The following KCNN3 variants were observed in gnomAD, a reference collection of about 807,000 sequenced individuals.
KCNN3 encodes the protein small conductance calcium-activated potassium channel protein 3.
KCNN3 carries 16 observed loss-of-function variants against 62.9 expected under a neutral mutation model. The ratio of observed to expected loss-of-function variants is 0.25; its 90% CI spans 0.17 to 0.39. The LOEUF (loss-of-function observed/expected upper bound fraction) is 0.39. Among genes scored for constraint, KCNN3 ranks in the 10% least tolerant of loss-of-function variants. The pLI is 1.00. For missense variants in KCNN3, 599 were observed against 949.4 expected, an observed-to-expected ratio of 0.63 and a Z score of 4.85; for synonymous variants, 370 against 389.2, an observed-to-expected ratio of 0.95 and a Z score of 0.58.
chr1:154,756,625 T>A (rs1041909849), intron 3 of KCNN3, among the ~76,000 whole-genome samples: 1 of 152,106 alleles, frequency 6.6e-6, no homozygotes, highest in African/African-American at 2.4e-5. Context: ...CTCTCATCCT[T>A]CAGACCTCAG....
chr1:154,803,978 C>G (rs1462044572), intron 2 of KCNN3, among the ~76,000 whole-genome samples: 2 of 152,234 alleles, frequency 1.3e-5, no homozygotes, highest in African/African-American at 4.8e-5. Context: ...AAGACCCCGT[C>G]TCCCCGTGCA....
chr1:154,868,027 G>C, intron 1 of KCNN3: 1 of 985,388 alleles, frequency 1.0e-6, no homozygotes, highest in Non-Finnish European at 1.2e-6. Flanking sequence ...GGAGCAGTGG[G>C]GCCAGCTCCC....
chr1:154,780,114 G>A (rs986479466), intron 2 of KCNN3, among the ~76,000 whole-genome samples: 2 of 151,886 alleles, frequency 1.3e-5, no homozygotes, highest in Non-Finnish European at 2.9e-5. Context: ...GGCACAGCCC[G>A]AGCTTCAGAC....
intron 3 of KCNN3, among the ~76,000 whole-genome samples, chr1:154,757,652 G>A (rs142340650): frequency 3.3e-5 from 5 of 152,256 alleles, no homozygotes; most frequent in East Asian, 1.9e-4. Flanking sequence ...AAATAATGCC[G>A]AGGAAATGGG....
intron 3 of KCNN3, among the ~76,000 whole-genome samples, chr1:154,748,952 T>G (rs755018639): frequency 1.3e-5 from 2 of 152,182 alleles, no homozygotes; most frequent in Non-Finnish European, 2.9e-5. Flanking sequence ...AGTGTGTGCT[T>G]GGACTTGCCT....
chr1:154,868,350 C>T (rs1264568362), intron 1 of KCNN3: 3 of 987,350 alleles, frequency 3.0e-6, no homozygotes, highest in Non-Finnish European at 3.6e-6. Context: ...CTGATTTCCT[C>T]CACCTATATT....
rs1359271649 is a variant in KCNN3 at position 154,707,196 on chromosome 1, T to C, written c.*780A>G. 6.6e-6 allele frequency: 1 copy of C among 152,210 alleles called. No individual in the cohort carries two copies. The highest frequency in any genetic ancestry group is 1.9e-4 in the East Asian group (1 of 5,194). 9.4% of individuals were successfully genotyped at this position (152,210 alleles called of 1,614,324 possible). A position where few individuals can be genotyped will look rare whatever the true frequency, so the allele number is the denominator to read the frequency against. ...GCCAGAACTAGCTAACTACCTGAACTGAAAGCACCCCATGTTCAGATTCAG... is the reference window on the plus strand; with the variant it reads ...GCCAGAACTAGCTAACTACCTGAACCGAAAGCACCCCATGTTCAGATTCAG... On this transcript the variant is annotated 3_prime_UTR_variant, in exon 8 of 8. Coordinates refer to ENST00000271915, the MANE Select transcript of KCNN3 (RefSeq NM_002249.6).
At chr1:154,730,975 A>T (rs375971323) in intron 4 of KCNN3, among the ~76,000 whole-genome samples, 25 of 152,204 alleles carry the variant, frequency 1.6e-4, no homozygotes, top group East Asian at 1.2e-3. Flanking sequence ...GAGCCAGGAG[A>T]TGCGGAGTCC....
At chr1:154,821,647 C>T (rs553667894) in intron 2 of KCNN3, among the ~76,000 whole-genome samples, 1 of 152,320 alleles carries the variant, frequency 6.6e-6, no homozygotes, top group South Asian at 2.1e-4. Flanking sequence ...AAAGCAGACT[C>T]CTTGGTGGAG....
At chr1:154,796,339 T>C (rs1331602864) in intron 2 of KCNN3, among the ~76,000 whole-genome samples, 1 of 152,164 alleles carries the variant, frequency 6.6e-6, no homozygotes, top group Admixed American at 6.5e-5. Context: ...TCCATAGCTC[T>C]TTGTTATTAG....
At position 154,704,619 on chromosome 1, in the gene KCNN3, A is replaced by G. The variant is rs1194948523; in HGVS notation, c.*3357T>C. 2.6e-5 allele frequency: 4 copies of G among 152,076 alleles called. No homozygotes were observed. The highest frequency in any genetic ancestry group is 4.4e-5 in the Non-Finnish European group (3 of 68,024). The allele number at this position is 152,076 out of a possible 1,614,324, so 9.4% of individuals were successfully genotyped here. On this transcript the variant is annotated 3_prime_UTR_variant, in exon 8 of 8. Transcript: ENST00000271915. ...GTATTTCTAATTCAAGTGTCTAGAT[A>G]TTTTAGGAATATTAGAGTGATTTTA...
chr1:154,804,335 G>A (rs191329653), intron 2 of KCNN3, among the ~76,000 whole-genome samples: 17 of 152,346 alleles, frequency 1.1e-4, no homozygotes, highest in Admixed American at 5.2e-4. Context: ...TCGCAAATGC[G>A]GATGGATGGC....
In KCNN3 at chr1:154,700,379, G is replaced by A. The variant is rs1383033430; in HGVS notation, c.*7597C>T. On this transcript the variant is annotated 3_prime_UTR_variant, in exon 8 of 8. Coordinates refer to ENST00000271915, the MANE Select transcript of KCNN3 (RefSeq NM_002249.6). ...CCATGGACTTGAATTACTGTCAAGAGGTCTGCTTTCCCCAAATGATGAATT... is the reference window on the plus strand; with the variant it reads ...CCATGGACTTGAATTACTGTCAAGAAGTCTGCTTTCCCCAAATGATGAATT... 1 of 152,164 alleles carries A rather than the reference G, an allele frequency of 6.6e-6. No individual in the cohort carries two copies. The highest frequency in any genetic ancestry group is 2.4e-5 in the African/African-American group (1 of 41,436). 9.4% of individuals were successfully genotyped at this position (152,164 alleles called of 1,614,324 possible). A position where few individuals can be genotyped will look rare whatever the true frequency, so the allele number is the denominator to read the frequency against.
chr1:154,767,170 T>G (rs1428888780), intron 3 of KCNN3, among the ~76,000 whole-genome samples: 1 of 151,780 alleles, frequency 6.6e-6, no homozygotes, highest in Non-Finnish European at 1.5e-5. Context: ...ACAATGGGAG[T>G]GGTGGCTCTC....
intron 1 of KCNN3, among the ~76,000 whole-genome samples, chr1:154,846,420 A>T (rs2101917650): frequency 6.6e-6 from 1 of 152,338 alleles, no homozygotes; most frequent in South Asian, 2.1e-4. Flanking sequence ...GAGGACGATT[A>T]GGCAGCAGCA....
chr1:154,783,056 C>T (rs1006031789), intron 2 of KCNN3, among the ~76,000 whole-genome samples: 5 of 151,862 alleles, frequency 3.3e-5, no homozygotes, highest in African/African-American at 1.2e-4. Context: ...ACTAAAAATA[C>T]AAAAAAACTA....
Position 154,700,427 on chromosome 1 carries a change from G to A in KCNN3, c.*7549C>T, listed in dbSNP as rs1039717449. 4 of 152,206 alleles carry A rather than the reference G, an allele frequency of 2.6e-5. No individual in the cohort carries two copies. Among genetic ancestry groups the A allele is most frequent in the Non-Finnish European group, 5.9e-5 (4 of 68,040 alleles). 9.4% of individuals were successfully genotyped at this position (152,206 alleles called of 1,614,324 possible). A position where few individuals can be genotyped will look rare whatever the true frequency, so the allele number is the denominator to read the frequency against. On this transcript the variant is annotated 3_prime_UTR_variant, in exon 8 of 8. Coordinates refer to ENST00000271915, the MANE Select transcript of KCNN3 (RefSeq NM_002249.6). The stretch of plus-strand genomic sequence containing the variant: ...ATTTGCATTTGTTTCCTTGATTCTA[G>A]ATGGAATACAACTTTGAGGGGAAAG...
rs576772613 is a variant in KCNN3, at chr1:154,850,418, C to G, written c.933+18614G>C. ...TACAGGTCCCAAGACTCTCACCCTC[C>G]AAGCCCGGGTGCCAGCATCAGACAC... On this transcript the variant is annotated intron_variant, in intron 1 of 7. Transcript: ENST00000271915. Among the ~76,000 whole-genome samples, 6 of 152,344 alleles carry G rather than the reference C, an allele frequency of 3.9e-5. No homozygotes were observed. In the South Asian group the frequency reaches 1.2e-3, roughly 32 times the overall value.
At chr1:154,713,637 A>T in intron 6 of KCNN3, 104 bp from the exon 7 acceptor site, 3 of 906,918 alleles carry the variant, frequency 3.3e-6, no homozygotes, top group Non-Finnish European at 5.4e-6. Context: ...TTTGGAACCC[A>T]GCATGGGGAC....
Sources: gnomAD v4.1 joint callset for allele counts (sites outside exome capture counted in the v4.1 genomes callset) on GRCh38, gnomAD v4.1.1 for gene constraint, MANE v1.5 for transcripts, NCBI Gene and HGNC (gene_info 2026-07-23, HGNC 2026-07-21) for gene names.